The following PLCH1 variants were observed in gnomAD, a reference collection of about 807,000 sequenced individuals.
The protein encoded by PLCH1 is phospholipase C eta 1.
PLCH1 carries 60 observed loss-of-function variants against 126.7 expected under a neutral mutation model. That is an observed-to-expected ratio of 0.47 (90% CI 0.38 to 0.59). The LOEUF is 0.59. PLCH1 is among the 20% of genes least tolerant of loss of function. The probability of loss-of-function intolerance (pLI) is 0.00; values close to 1 mark genes in which losing one functional copy is unlikely to be tolerated. For synonymous variants in PLCH1, 719 were observed against 734.9 expected (o/e 0.98, Z 0.35); for missense variants, 1,723 against 2,040.0 (o/e 0.84, Z 2.99).
chr3:155,521,196 C>T (rs1721055433), intron 11 of PLCH1, among the ~76,000 whole-genome samples: 1 of 152,216 alleles, frequency 6.6e-6, no homozygotes, highest in African/African-American at 2.4e-5. Context: ...CACAGACACA[C>T]ACACACTTTT....
chr3:155,629,984 A>G (rs1417007636), intron 2 of PLCH1, among the ~76,000 whole-genome samples: 1 of 152,272 alleles, frequency 6.6e-6, no homozygotes, highest in Non-Finnish European at 1.5e-5. Flanking sequence ...AATCTAAAGC[A>G]GCCTCCTAGT....
intron 4 of PLCH1, among the ~76,000 whole-genome samples, chr3:155,589,493 A>G (rs578231684): frequency 5.3e-5 from 8 of 152,216 alleles, no homozygotes; most frequent in Admixed American, 4.6e-4. Context: ...CCACGCAAAA[A>G]TCCTCCTGGA....
At chr3:155,488,957 T>C (rs1715744179) in intron 19 of PLCH1, 151 bp from the exon 20 acceptor site, 2 of 621,940 alleles carry the variant, frequency 3.2e-6, no homozygotes, top group Non-Finnish European at 5.3e-6. Flanking sequence ...GATGCCTTAC[T>C]GGAATAAAGC....
chr3:155,728,378 T>C (rs896205508), intron 1 of PLCH1, among the ~76,000 whole-genome samples: 2 of 152,138 alleles, frequency 1.3e-5, no homozygotes, highest in Non-Finnish European at 2.9e-5. Flanking sequence ...TGGCCAAGTA[T>C]CATGATAAGC....
At chr3:155,585,052 G>C (rs1207204036) in intron 5 of PLCH1, among the ~76,000 whole-genome samples, 1 of 152,112 alleles carries the variant, frequency 6.6e-6, no homozygotes, top group Non-Finnish European at 1.5e-5. Flanking sequence ...CCATCTCTCA[G>C]GTTCCCTATA....
At chr3:155,673,048 C>CTATTTT (rs1743693794) in intron 2 of PLCH1, among the ~76,000 whole-genome samples, 1 of 68,224 alleles carries the variant, frequency 1.5e-5, no homozygotes, top group Non-Finnish European at 2.6e-5. Context: ...CTTCTGTTGC[C>CTATTTT]TTTTTTTTTT....
At chr3:155,627,067 A>G (rs1006060048) in intron 2 of PLCH1, among the ~76,000 whole-genome samples, 1 of 152,234 alleles carries the variant, frequency 6.6e-6, no homozygotes, top group African/African-American at 2.4e-5. Context: ...CAAAGTAAAT[A>G]ATGTCACATG....
At chr3:155,490,247 A>C (rs1217774557) in intron 19 of PLCH1, among the ~76,000 whole-genome samples, 1 of 152,228 alleles carries the variant, frequency 6.6e-6, no homozygotes, top group African/African-American at 2.4e-5. Context: ...AAATAAAAAG[A>C]CATGAGGCTT....
chr3:155,567,969 A>G (rs1056231149), intron 7 of PLCH1, among the ~76,000 whole-genome samples: 3 of 152,216 alleles, frequency 2.0e-5, no homozygotes, highest in Non-Finnish European at 4.4e-5. Flanking sequence ...CAAATATGTC[A>G]TGGCATCCAT....
In PLCH1 at chr3:155,723,928, T is replaced by C. The variant is rs903949496; in HGVS notation, c.-40-19664A>G. Among the ~76,000 whole-genome samples, 20 of 127,060 alleles carry C rather than the reference T, an allele frequency of 1.6e-4. No homozygotes were observed. The Admixed American group carries it at 1.9e-3, about 12-fold the overall frequency. The allele number at this position is 127,060 out of a possible 152,430, so 83.4% of individuals were successfully genotyped here. A position where few individuals can be genotyped will look rare whatever the true frequency, so the allele number is the denominator to read the frequency against. On this transcript the variant is annotated intron_variant, in intron 1 of 22. Transcript: ENST00000460012. ...GAAATTGAGCCACTGCACTCTAGCC[T>C]GGGTGACAGAGCTAAACTCCATCTC...
chr3:155,673,568 T>C (rs1052252635), intron 2 of PLCH1, among the ~76,000 whole-genome samples: 5 of 152,182 alleles, frequency 3.3e-5, no homozygotes, highest in African/African-American at 7.2e-5. Context: ...GAAAAAAATC[T>C]GTATGACTGA....
At chr3:155,660,476 T>G (rs894011503) in intron 2 of PLCH1, among the ~76,000 whole-genome samples, 23 of 152,210 alleles carry the variant, frequency 1.5e-4, no homozygotes, top group African/African-American at 5.5e-4. Context: ...CCTTAGAAAC[T>G]TGCTGTGTGC....
chr3:155,471,107 C>G (rs954496628), intron 21 of PLCH1, among the ~76,000 whole-genome samples: 28 of 152,022 alleles, frequency 1.8e-4, no homozygotes, highest in Admixed American at 6.6e-4. Context: ...GGACTAAATG[C>G]TCCAATTAAA....
intron 3 of PLCH1, among the ~76,000 whole-genome samples, chr3:155,594,664 C>T (rs1021139229): frequency 6.6e-6 from 1 of 152,008 alleles, no homozygotes; most frequent in African/African-American, 2.4e-5. Context: ...TGTTTTTTCC[C>T]ACTAGAAACC....
rs1354533850 is a variant in PLCH1 at position 155,482,510 on chromosome 3, A to G, written c.3516T>C (p.Leu1172=). 1.9e-6 allele frequency: 3 copies of G among 1,614,092 alleles called. No homozygotes were observed. The highest frequency in any genetic ancestry group is 1.3e-5 in the African/African-American group (1 of 74,938). The stretch of plus-strand genomic sequence containing the variant: ...CATTTGTTAAAGTGACATTGTCAAT[A>G]AGATGGGAAATTACACTCTCCTGCA... ...AILQESVISH[L]IDNVTLTNEN... The change falls in exon 23 of 23, where the codon CTT becomes CTC. Residue 1172 remains leucine, a synonymous_variant. Transcript: ENST00000460012.
chr3:155,512,051 G>A (rs377540813), intron 12 of PLCH1, among the ~76,000 whole-genome samples: 2 of 150,362 alleles, frequency 1.3e-5, no homozygotes, highest in Admixed American at 6.6e-5. Context: ...ATATAGTCTC[G>A]TGGTGCGCCG....
intron 10 of PLCH1, among the ~76,000 whole-genome samples, chr3:155,546,525 T>C (rs964113659): frequency 4.6e-5 from 7 of 152,204 alleles, no homozygotes; most frequent in South Asian, 2.1e-4. Context: ...CTTCACAGAA[T>C]TGGAAAAAAC....
chr3:155,720,929 CT>C (rs1559962471), intron 1 of PLCH1, among the ~76,000 whole-genome samples: 1 of 152,168 alleles, frequency 6.6e-6, no homozygotes, highest in Non-Finnish European at 1.5e-5. Context: ...CAGTTTCATT[CT>C]TCTACATGTG....
chr3:155,620,699 C>T (rs145690719), intron 2 of PLCH1, among the ~76,000 whole-genome samples: 3 of 152,340 alleles, frequency 2.0e-5, no homozygotes, highest in Non-Finnish European at 2.9e-5. Flanking sequence ...TGCGGCCAGA[C>T]TGCCTCTCCA....
Sources: allele counts gnomAD v4.1 joint callset (sites outside exome capture counted in the v4.1 genomes callset), GRCh38; gene constraint gnomAD v4.1.1; transcripts MANE v1.5; gene names NCBI Gene and HGNC (gene_info 2026-07-23, HGNC 2026-07-21).